The following DUSP29 variants were observed in gnomAD, a reference collection of about 807,000 sequenced individuals.
DUSP29 encodes dual specificity phosphatase 29.
In DUSP29, 12 loss-of-function variants were observed where a neutral mutation model predicts 13.5. That is an observed-to-expected ratio of 0.89 (90% CI 0.57 to 1.44). The LOEUF (loss-of-function observed/expected upper bound fraction) is 1.44, where lower values mean the gene tolerates loss of function less well. DUSP29 is among the 40% of genes most tolerant of loss of function. The pLI, the probability that DUSP29 is intolerant of heterozygous loss-of-function variation, is 0.00. For missense variants in DUSP29, 308 were observed against 301.1 expected, an observed-to-expected ratio of 1.02 and a Z score of -0.17; for synonymous variants, 134 against 128.7, an observed-to-expected ratio of 1.04 and a Z score of -0.28.
intron 1 of DUSP29, among the ~76,000 whole-genome samples, chr10:75,059,297 CTTT>C (rs1432790281): frequency 6.6e-6 from 1 of 152,096 alleles, no homozygotes; most frequent in Admixed American, 6.6e-5. Flanking sequence ...TGGGAGAGGA[CTTT>C]CCATTGTCCC....
chr10:75,064,072 C>T (rs924478188), intron 1 of DUSP29, among the ~76,000 whole-genome samples: 4 of 151,426 alleles, frequency 2.6e-5, no homozygotes, highest in Non-Finnish European at 4.4e-5. Context: ...TTTGAGATAA[C>T]GTCTCACTTT....
At chr10:75,054,654 T>A (rs1342422530) in intron 2 of DUSP29, among the ~76,000 whole-genome samples, 1 of 152,130 alleles carries the variant, frequency 6.6e-6, no homozygotes, top group Non-Finnish European at 1.5e-5. Flanking sequence ...TTGAAAGCAA[T>A]CTTTCTTACA....
chr10:75,064,711 C>T (rs1847160431), intron 1 of DUSP29, among the ~76,000 whole-genome samples: 1 of 151,950 alleles, frequency 6.6e-6, no homozygotes, highest in Admixed American at 6.6e-5. Context: ...GTTTCCTTTG[C>T]CCAAGTAGGA....
At chr10:75,053,216 T>C (rs938036678) in intron 2 of DUSP29, among the ~76,000 whole-genome samples, 2 of 152,246 alleles carry the variant, frequency 1.3e-5, no homozygotes, top group African/African-American at 4.8e-5. Flanking sequence ...GGCTTAATCT[T>C]GGACCTTCTG....
In DUSP29 at chr10:75,058,548, G is replaced by C. The variant is rs764668899; in HGVS notation, c.-34C>G. ...CAAGGGATTTTCTCTCCTTTCTGCA[G>C]CTGGTTATGAGAGAGAAGCAGGATG... is the stretch of plus-strand genomic sequence containing the variant. On this transcript the variant is annotated splice_region_variant and 5_prime_UTR_variant, in exon 2 of 4. Transcript: ENST00000338487. 95 of 1,611,260 alleles carry C rather than the reference G, an allele frequency of 5.9e-5. No individual in the cohort carries two copies. The highest frequency in any genetic ancestry group is 7.8e-5 in the Non-Finnish European group (92 of 1,179,310).
chr10:75,041,180 C>A (rs1277897829), intron 3 of DUSP29, among the ~76,000 whole-genome samples: 1 of 152,158 alleles, frequency 6.6e-6, no homozygotes, highest in Admixed American at 6.5e-5. Flanking sequence ...CTGCATGTGG[C>A]AGGTGGGCTG....
chr10:75,057,200 G>C (rs1846979625), intron 2 of DUSP29, among the ~76,000 whole-genome samples: 1 of 152,100 alleles, frequency 6.6e-6, no homozygotes, highest in Admixed American at 6.5e-5. Flanking sequence ...CTTGAACCCA[G>C]GAGGCAGAGG....
chr10:75,040,490 T>C (rs1846558838), intron 3 of DUSP29, among the ~76,000 whole-genome samples: 1 of 152,168 alleles, frequency 6.6e-6, no homozygotes, highest in Non-Finnish European at 1.5e-5. Flanking sequence ...CCAAGTGGGG[T>C]TCCTGTGACA....
intron 2 of DUSP29, among the ~76,000 whole-genome samples, chr10:75,056,938 G>C (rs1410239084): frequency 6.6e-6 from 1 of 152,106 alleles, no homozygotes; most frequent in Non-Finnish European, 1.5e-5. Flanking sequence ...TCTTCCTATG[G>C]CTAGACGATT....
Position 75,058,401 on chromosome 10 carries a change from G to A in DUSP29, c.114C>T (p.Ala38=), listed in dbSNP as rs374184627. Residue 38 remains alanine, a synonymous_variant, in exon 2 of 4, where the codon GCC becomes GCT. Transcript: ENST00000338487. ...GEEEDYCTPG[A]FELERLFWKG... is the part of the protein sequence containing the mutation. ...TCCAGAAGAGCCGCTCCAGCTCAAA[G>A]GCTCCAGGGGTGCAGTAGTCCTCCT... 2 of 1,614,226 alleles carry A rather than the reference G, an allele frequency of 1.2e-6. No individual in the cohort carries two copies. The highest frequency in any genetic ancestry group is 1.3e-5 in the African/African-American group (1 of 75,066).
chr10:75,060,843 G>A (rs986572136), intron 1 of DUSP29, among the ~76,000 whole-genome samples: 1 of 152,196 alleles, frequency 6.6e-6, no homozygotes, highest in African/African-American at 2.4e-5. Context: ...ACTTGCTGGA[G>A]ATTCCGAGGA....
intron 2 of DUSP29, among the ~76,000 whole-genome samples, chr10:75,054,235 T>C (rs1846908282): frequency 6.6e-6 from 1 of 152,212 alleles, no homozygotes; most frequent in Non-Finnish European, 1.5e-5. Context: ...CTTAAAATCT[T>C]AATCTTTCCT....
At position 75,038,458 on chromosome 10, in the gene DUSP29, G is replaced by C. The variant is rs554293122; in HGVS notation, c.422-381C>G. 4.3e-3 allele frequency among the ~76,000 whole-genome samples: 660 copies of C among 152,100 alleles called. 6 individuals are homozygous for C. The highest frequency in any genetic ancestry group is 7.5e-3 in the Admixed American group (115 of 15,280). ...CTCCCTGGCATGACCGCGCTCCTGGGGTGTGAACGTGTCCAGCTGGATGAA... is the reference window on the plus strand; with the variant it reads ...CTCCCTGGCATGACCGCGCTCCTGGCGTGTGAACGTGTCCAGCTGGATGAA... On this transcript the variant is annotated intron_variant, in intron 3 of 3. Coordinates refer to ENST00000338487, the MANE Select transcript of DUSP29 (RefSeq NM_001003892.3).
chr10:75,065,138 G>A (rs1847168167), intron 1 of DUSP29, among the ~76,000 whole-genome samples: 2 of 152,134 alleles, frequency 1.3e-5, no homozygotes, highest in South Asian at 4.1e-4. Flanking sequence ...TGGAGCTAAA[G>A]CTAGAGGGGC....
intron 1 of DUSP29, among the ~76,000 whole-genome samples, chr10:75,066,573 CT>C (rs1847206244): frequency 6.6e-6 from 1 of 152,102 alleles, no homozygotes; most frequent in African/African-American, 2.4e-5. Flanking sequence ...AAGTAACCAT[CT>C]TTTCTAAATT....
intron 1 of DUSP29, among the ~76,000 whole-genome samples, chr10:75,067,920 C>G (rs559923674): frequency 6.6e-6 from 1 of 152,162 alleles, no homozygotes; most frequent in Non-Finnish European, 1.5e-5. Flanking sequence ...TCAAGCGATT[C>G]TCCTGCCTCA....
chr10:75,039,076 G>A (rs754490202), intron 3 of DUSP29, among the ~76,000 whole-genome samples: 9 of 152,196 alleles, frequency 5.9e-5, no homozygotes, highest in Admixed American at 1.3e-4. Flanking sequence ...CACTATACCT[G>A]TGTTGGGCTT....
At chr10:75,062,372 C>T (rs1043005165) in intron 1 of DUSP29, among the ~76,000 whole-genome samples, 1 of 152,184 alleles carries the variant, frequency 6.6e-6, no homozygotes, top group Non-Finnish European at 1.5e-5. Context: ...CTGAAACCTC[C>T]GTCTGCCTCC....
intron 3 of DUSP29, among the ~76,000 whole-genome samples, chr10:75,040,580 C>T (rs573385996): frequency 2.0e-5 from 3 of 152,340 alleles, no homozygotes; most frequent in African/African-American, 4.8e-5. Context: ...TGGCATGACT[C>T]GCCCTCCATG....
Sources: gnomAD v4.1 joint callset for allele counts (sites outside exome capture counted in the v4.1 genomes callset) on GRCh38, gnomAD v4.1.1 for gene constraint, MANE v1.5 for transcripts, NCBI Gene and HGNC (gene_info 2026-07-23, HGNC 2026-07-21) for gene names.